The following RGL3 variants were observed in gnomAD, a reference collection of about 807,000 sequenced individuals.
RGL3 encodes the protein ral guanine nucleotide dissociation stimulator like 3, also known as ral guanine nucleotide dissociation stimulator-like 3.
A neutral mutation model predicts 90.6 loss-of-function variants in RGL3; 85 were observed. The ratio of observed to expected loss-of-function variants is 0.94; its 90% CI spans 0.79 to 1.12. RGL3 has a LOEUF of 1.12. Ranked by LOEUF, RGL3 falls within the 50% of genes most tolerant of loss-of-function variation. The pLI, the probability that RGL3 is intolerant of heterozygous loss-of-function variation, is 0.00. For missense variants in RGL3, 1,034 were observed against 939.2 expected, an observed-to-expected ratio of 1.10 and a Z score of -1.32; for synonymous variants, 408 against 385.5, an observed-to-expected ratio of 1.06 and a Z score of -0.68.
rs1968688235 is a variant in RGL3 at position 11,402,136 on chromosome 19, G to A, written c.1363-4C>T. ...TGCGGGCCAGGATCTCCCACTCCTG[G>A]AGGACGAGCCTCTAAGACCCTACCC... On this transcript the variant is annotated splice_region_variant and splice_polypyrimidine_tract_variant and intron_variant, in intron 12 of 18. Coordinates refer to ENST00000380456, the MANE Select transcript of RGL3 (RefSeq NM_001035223.4). 1 of 1,610,324 alleles carries A rather than the reference G, an allele frequency of 6.2e-7. No individual in the cohort carries two copies. The highest frequency in any genetic ancestry group is 2.2e-5 in the East Asian group (1 of 44,868).
At chr19:11,396,636 C>T (rs188420013) in intron 18 of RGL3, among the ~76,000 whole-genome samples, 20 of 150,668 alleles carry the variant, frequency 1.3e-4, no homozygotes, top group Admixed American at 9.3e-4. Flanking sequence ...AGAAACACTC[C>T]CTTCTGTCAC....
chr19:11,409,169 C>CAA (rs1267799858), intron 5 of RGL3, among the ~76,000 whole-genome samples: 3 of 69,522 alleles, frequency 4.3e-5, no homozygotes, highest in Non-Finnish European at 5.8e-5. Flanking sequence ...GACTTTGTCT[C>CAA]AAAAAAAAAA....
At position 11,397,258 on chromosome 19, in the gene RGL3, A is replaced by G. The variant is rs752977509; in HGVS notation, c.2000T>C (p.Leu667Pro). ...TCCCTGCTCACCCCGGTCCCCAGGA[A>G]GGACTTGAAAGAGCTGATAGTCACA... is the stretch of plus-strand genomic sequence containing the variant. ...WACDYQLFQV[L>P]PGDRVLLIPD... is the part of the protein sequence containing the mutation. The change falls in exon 18 of 19, where the codon CTT becomes CCT. Residue 667 changes from leucine to proline, a missense_variant. Physicochemically the swap from Leu to Pro is moderately conservative, Grantham distance 98. Coordinates refer to ENST00000380456, the MANE Select transcript of RGL3 (RefSeq NM_001035223.4). 3 of 1,613,914 alleles carry G rather than the reference A, an allele frequency of 1.9e-6. No individual in the cohort carries two copies. In the South Asian group the frequency reaches 3.3e-5, roughly 18 times the overall value.
chr19:11,411,796 G>A (rs796078445), intron 5 of RGL3, among the ~76,000 whole-genome samples: 6 of 152,166 alleles, frequency 3.9e-5, no homozygotes, highest in African/African-American at 1.2e-4. Flanking sequence ...CTAATTATTT[G>A]TAGACACAAA....
At chr19:11,394,967 C>A (rs1968538999) in intron 18 of RGL3, among the ~76,000 whole-genome samples, 1 of 151,920 alleles carries the variant, frequency 6.6e-6, no homozygotes, top group Non-Finnish European at 1.5e-5. Flanking sequence ...GTGGCACATG[C>A]CTGTAATCCC....
Position 11,414,157 on chromosome 19 carries a change from A to ATATATACC in RGL3, c.637+1779_637+1780insGGTATATA, listed in dbSNP as rs1555720093. On this transcript the variant is annotated intron_variant, in intron 5 of 18. Coordinates refer to ENST00000380456, the MANE Select transcript of RGL3 (RefSeq NM_001035223.4). ...ATCATATATATATATATATATATAT[A>ATATATACC]TATATATATATATATATATACACCT... Among the ~76,000 whole-genome samples the ATATATACC allele has an allele frequency of 5.4e-4, 55 of 101,326 alleles. 3 individuals carry two copies. Among genetic ancestry groups the ATATATACC allele is most frequent in the African/African-American group, 2.2e-3 (55 of 25,362 alleles). 66.5% of individuals were successfully genotyped at this position (101,326 alleles called of 152,430 possible).
intron 9 of RGL3, among the ~76,000 whole-genome samples, 156 bp downstream of exon 9, chr19:11,404,991 A>T (rs924755341): frequency 3.9e-5 from 6 of 152,120 alleles, no homozygotes; most frequent in African/African-American, 1.2e-4. Context: ...GGAAAGAAAA[A>T]CGTGCAACCC....
intron 13 of RGL3, among the ~76,000 whole-genome samples, chr19:11,401,225 TA>T (rs374387802): frequency 1.8e-4 from 27 of 146,416 alleles, no homozygotes; most frequent in South Asian, 6.4e-4. Flanking sequence ...CAATTGTGAC[TA>T]TTTTTTTTTT....
chr19:11,409,354 G>A (rs1042073702), intron 5 of RGL3, among the ~76,000 whole-genome samples: 5 of 151,992 alleles, frequency 3.3e-5, no homozygotes, highest in Non-Finnish European at 5.9e-5. Flanking sequence ...GGTGGCGGGC[G>A]CCTGTAGTCC....
At chr19:11,402,347 G>C in intron 11 of RGL3, 100 bp from the exon 12 acceptor site, 1 of 1,581,822 alleles carries the variant, frequency 6.3e-7, no homozygotes, top group Non-Finnish European at 8.7e-7. Context: ...GTAAGGGAGT[G>C]TGGGGTGGTG....
At chr19:11,414,279 T>TTATATATATATACCTTCATATATATACA (rs1968935405) in intron 5 of RGL3, among the ~76,000 whole-genome samples, 2 of 83,670 alleles carry the variant, frequency 2.4e-5, no homozygotes, top group Non-Finnish European at 4.5e-5. Flanking sequence ...ATATATACCT[T>TTATATATATATACCTTCATATATATACA]TATATATATA....
chr19:11,402,267 G>C lies in RGL3; in HGVS notation c.1330-20C>G, dbSNP rs749234369. On this transcript the variant is annotated intron_variant, in intron 11 of 18. Transcript: ENST00000380456. Reference sequence around the variant, plus strand: ...ATCCCCCTGGGGGCAAAGTGTGTCTGAATTGCAGCACCCAGGGTCAAGGGT... The same window carrying C: ...ATCCCCCTGGGGGCAAAGTGTGTCTCAATTGCAGCACCCAGGGTCAAGGGT... The C allele has an allele frequency of 1.9e-6, 3 of 1,612,252 alleles. No individual in the cohort carries two copies. The South Asian group carries it at 3.3e-5, about 18-fold the overall frequency.
intron 7 of RGL3, 49 bp from the exon 8 acceptor site, chr19:11,405,475 C>A (rs1968759853): frequency 5.3e-6 from 2 of 375,150 alleles, no homozygotes; most frequent in Non-Finnish European, 5.0e-6. Flanking sequence ...ATCCACCTTT[C>A]ATCCTGAAAC....
chr19:11,396,595 C>G (rs1003556264), intron 18 of RGL3, among the ~76,000 whole-genome samples: 1 of 147,272 alleles, frequency 6.8e-6, no homozygotes, highest in African/African-American at 2.5e-5. Flanking sequence ...TGTGAGCCAC[C>G]ATGCCCAGCC....
In RGL3 at chr19:11,416,674, A is replaced by G. The variant is rs781141318; in HGVS notation, c.372-7T>C. 6.2e-7 allele frequency: 1 copy of G among 1,614,088 alleles called. No homozygotes were observed. Among genetic ancestry groups the G allele is most frequent in the Non-Finnish European group, 8.5e-7 (1 of 1,179,960 alleles). ...TGTCTTCTTGATCTCTACCCTGGGA[A>G]GAGGCCCCCCAGCAGGTGAAGAAGG... On this transcript the variant is annotated splice_region_variant and splice_polypyrimidine_tract_variant and intron_variant, in intron 3 of 18. Coordinates refer to ENST00000380456, the MANE Select transcript of RGL3 (RefSeq NM_001035223.4).
intron 2 of RGL3, among the ~76,000 whole-genome samples, chr19:11,417,671 C>T (rs890719316): frequency 3.3e-5 from 5 of 151,668 alleles, no homozygotes; most frequent in African/African-American, 7.3e-5. Context: ...GGTGTTTCAC[C>T]GTCTTGGCCA....
intron 12 of RGL3, 31 bp from the exon 13 acceptor site, chr19:11,402,163 T>TTG: frequency 6.3e-7 from 1 of 1,596,356 alleles, no homozygotes; most frequent in Non-Finnish European, 8.6e-7. Context: ...ACCCTACCCC[T>TTG]GCCCCACCCC....
intron 1 of RGL3, 138 bp from the exon 2 acceptor site, chr19:11,418,922 C>T (rs537740798): frequency 6.9e-4 from 496 of 720,638 alleles, no homozygotes; most frequent in Middle Eastern, 2.6e-3. Flanking sequence ...GAGACTAGGG[C>T]TGGGGTCCCA....
rs1968986074 is a variant in RGL3 at position 11,415,979 on chromosome 19, C to T, written c.595G>A (p.Ala199Thr). The T allele has an allele frequency of 1.2e-6, 2 of 1,613,830 alleles. No individual in the cohort carries two copies. The highest frequency in any genetic ancestry group is 1.7e-6 in the Non-Finnish European group (2 of 1,179,992). ...GGCTCCTCTTCCTGCTCTCGCTCAG[C>T]CTCCTCCAAAAAATCTTCCAGAAGC... ...EKLLEDFLEE[A>T]EREQEEEPPQ... The change falls in exon 5 of 19, where the codon GCT becomes ACT. Residue 199 changes from alanine to threonine, a missense_variant. Coordinates refer to ENST00000380456, the MANE Select transcript of RGL3 (RefSeq NM_001035223.4).
Sources: gnomAD v4.1 joint callset for allele counts (sites outside exome capture counted in the v4.1 genomes callset) on GRCh38, gnomAD v4.1.1 for gene constraint, MANE v1.5 for transcripts, NCBI Gene and HGNC (gene_info 2026-07-23, HGNC 2026-07-21) for gene names.